NAPA: variants seen among roughly 807,000 people sequenced by gnomAD.
The protein encoded by NAPA is NSF attachment protein alpha.
In NAPA, 18 loss-of-function variants were observed where a neutral mutation model predicts 48.0. That is an observed-to-expected ratio of 0.38 (90% CI 0.26 to 0.56). NAPA has a LOEUF of 0.56. Among genes scored for constraint, NAPA ranks in the 20% least tolerant of loss-of-function variants. The probability of loss-of-function intolerance (pLI) is 0.77; values close to 1 mark genes in which losing one functional copy is unlikely to be tolerated. For missense variants in NAPA, 315 were observed against 385.0 expected (o/e 0.82, Z 1.52); for synonymous variants, 152 against 149.9 (o/e 1.01, Z -0.10).
intron 3 of NAPA, chr19:47,495,803 A>G (rs755326292): frequency 3.4e-6 from 2 of 583,184 alleles, no homozygotes; most frequent in Non-Finnish European, 6.1e-6. Context: ...GAGAGGGCTG[A>G]CTCTGCAGAC....
At chr19:47,514,700 C>A (rs34206657) in intron 1 of NAPA, 143 bp downstream of exon 1, 13 of 744,480 alleles carry the variant, frequency 1.7e-5, no homozygotes, top group Non-Finnish European at 1.8e-5. Context: ...GTCCCCTCTG[C>A]CGCCTCAGGC....
intron 9 of NAPA, 128 bp downstream of exon 9, chr19:47,490,660 C>CAAAACAA: frequency 2.5e-6 from 2 of 785,734 alleles, no homozygotes; most frequent in South Asian, 1.8e-5. Flanking sequence ...CAAAACAAAA[C>CAAAACAA]AAAACAAAAC....
At chr19:47,497,100 C>T (rs561633384) in intron 3 of NAPA, 8 of 269,462 alleles carry the variant, frequency 3.0e-5, no homozygotes, top group Non-Finnish European at 5.3e-5. Context: ...ACGGCTAAGC[C>T]GGGCCACGCT....
intron 7 of NAPA, chr19:47,492,725 G>A: frequency 1.5e-6 from 1 of 671,648 alleles, no homozygotes; most frequent in South Asian, 1.5e-5. Flanking sequence ...TGCGAGGGGT[G>A]TGGGAGGGGC....
chr19:47,494,095 G>T (rs1479951312), intron 4 of NAPA, among the ~76,000 whole-genome samples: 5 of 152,184 alleles, frequency 3.3e-5, no homozygotes. Context: ...TGCACCAGGG[G>T]CTGGTCCAAC....
At chr19:47,495,899 CAG>C in intron 3 of NAPA, 1 of 411,754 alleles carries the variant, frequency 2.4e-6, no homozygotes, top group South Asian at 2.2e-5. Flanking sequence ...ACCCCAGGGA[CAG>C]GGCACAGCAG....
chr19:47,492,169 G>T, intron 7 of NAPA, 50 bp from the exon 8 acceptor site: 1 of 1,534,976 alleles, frequency 6.5e-7, no homozygotes. Flanking sequence ...AGCAGCCAGA[G>T]GGCCAGAGCC....
In NAPA at chr19:47,500,736, C is replaced by T. The variant is rs772546175; in HGVS notation, c.192G>A (p.Ala64=). Residue 64 remains alanine, a synonymous_variant, in exon 3 of 11, where the codon GCG becomes GCA. Transcript: ENST00000263354. ...MAKNWSAAGN[A]FCQAAQLHLQ... ...GGTGCAGCTGTGCAGCCTGGCAGAACGCGTTTCCAGCAGCTGGAACAGAAG... is the reference window on the plus strand; with the variant it reads ...GGTGCAGCTGTGCAGCCTGGCAGAATGCGTTTCCAGCAGCTGGAACAGAAG... The T allele has an allele frequency of 3.1e-5, 49 of 1,605,232 alleles. No homozygotes were observed. Among genetic ancestry groups the T allele is most frequent in the Non-Finnish European group, 3.7e-5 (44 of 1,175,882 alleles).
intron 1 of NAPA, among the ~76,000 whole-genome samples, chr19:47,510,789 C>G (rs1338407155): frequency 1.3e-5 from 2 of 152,166 alleles, no homozygotes; most frequent in Non-Finnish European, 1.5e-5. Flanking sequence ...CTCAGCCATC[C>G]CCTTCTGCTG....
chr19:47,505,370 A>G, intron 1 of NAPA: 1 of 152,296 alleles, frequency 6.6e-6, no homozygotes. Flanking sequence ...CCAGCTGTGG[A>G]GGGGCTCAAA....
chr19:47,494,735 C>A (rs1386428873), intron 4 of NAPA, among the ~76,000 whole-genome samples: 199 of 67,128 alleles, frequency 3.0e-3, no homozygotes, highest in African/African-American at 4.0e-3. Context: ...AACTCTGTCT[C>A]AAAAAAAAAA....
chr19:47,485,708 C>T (rs12460436), downstream of NAPA, among the ~76,000 whole-genome samples: 22,471 of 152,130 alleles, frequency 0.15, 1,792 homozygotes, highest in East Asian at 0.22. Context: ...GGAAAGTTCT[C>T]AAAGGCAGAC....
At chr19:47,486,942 C>T (rs1968091677), downstream of NAPA, among the ~76,000 whole-genome samples, 1 of 152,216 alleles carries the variant, frequency 6.6e-6, no homozygotes, top group African/African-American at 2.4e-5. Flanking sequence ...CCCCTGCTCA[C>T]TTCCTGACAT....
At chr19:47,505,392 G>C (rs1968673437) in intron 1 of NAPA, 2 of 152,176 alleles carry the variant, frequency 1.3e-5, no homozygotes, top group Admixed American at 1.3e-4. Flanking sequence ...GTAATTTTGG[G>C]AGCTGGGATG....
At chr19:47,509,950 T>C (rs545373237) in intron 1 of NAPA, among the ~76,000 whole-genome samples, 5 of 152,148 alleles carry the variant, frequency 3.3e-5, no homozygotes, top group Non-Finnish European at 5.9e-5. Flanking sequence ...AGTAGCCCCA[T>C]CCCAAAAAGG....
chr19:47,511,061 G>A (rs960039745), intron 1 of NAPA, among the ~76,000 whole-genome samples: 2 of 152,202 alleles, frequency 1.3e-5, no homozygotes, highest in Non-Finnish European at 2.9e-5. Context: ...TCCCAGGTGC[G>A]GGCTCTCTGA....
chr19:47,504,504 C>T (rs1302707435), intron 1 of NAPA, among the ~76,000 whole-genome samples: 1 of 147,584 alleles, frequency 6.8e-6, no homozygotes, highest in African/African-American at 2.5e-5. Context: ...AACCTAGTAA[C>T]AGCATTTTTC....
At chr19:47,502,785 C>T (rs2122763358) in intron 2 of NAPA, among the ~76,000 whole-genome samples, 1 of 152,316 alleles carries the variant, frequency 6.6e-6, no homozygotes, top group Non-Finnish European at 1.5e-5. Flanking sequence ...CCAAGGGGCT[C>T]CTCCCCACCC....
At chr19:47,502,733 G>C (rs1236642549) in intron 2 of NAPA, among the ~76,000 whole-genome samples, 3 of 152,150 alleles carry the variant, frequency 2.0e-5, no homozygotes, top group African/African-American at 7.2e-5. Flanking sequence ...GGACTTCTTG[G>C]GCCTGCAGGG....
Sources: gnomAD v4.1 joint callset for allele counts (sites outside exome capture counted in the v4.1 genomes callset) on GRCh38, gnomAD v4.1.1 for gene constraint, MANE v1.5 for transcripts, NCBI Gene and HGNC (gene_info 2026-07-23, HGNC 2026-07-21) for gene names.